PLCL1: variants seen among roughly 807,000 people sequenced by gnomAD.
The protein encoded by PLCL1 is phospholipase C like 1 (inactive).
A neutral mutation model predicts 84.4 loss-of-function variants in PLCL1; 41 were observed. That is an observed-to-expected ratio of 0.49 (90% confidence interval 0.38 to 0.63). The LOEUF is 0.63. PLCL1 is among the 30% of genes least tolerant of loss of function. The pLI is 0.00. For missense variants in PLCL1, 1,206 were observed against 1,367.8 expected (o/e 0.88, Z 1.87); for synonymous variants, 490 against 488.3 (o/e 1.00, Z -0.05).
intron 1 of PLCL1, among the ~76,000 whole-genome samples, chr2:198,030,707 G>GCAGAAAA (rs1184845443): frequency 3.3e-5 from 5 of 152,096 alleles, no homozygotes; most frequent in Non-Finnish European, 7.3e-5. Context: ...ATTCTGCTTT[G>GCAGAAAA]CTAATGAGAA....
intron 1 of PLCL1, among the ~76,000 whole-genome samples, chr2:198,019,804 A>G (rs1691090011): frequency 6.6e-6 from 1 of 152,210 alleles, no homozygotes; most frequent in Non-Finnish European, 1.5e-5. Flanking sequence ...ACCAAGTTGG[A>G]AAATACTCTT....
chr2:197,949,336 C>G (rs1689345296), intron 1 of PLCL1, among the ~76,000 whole-genome samples: 1 of 152,148 alleles, frequency 6.6e-6, no homozygotes, highest in Non-Finnish European at 1.5e-5. Context: ...GAATCTCTCC[C>G]TAGTCCAGGA....
chr2:198,139,091 G>T (rs1353537660), intron 5 of PLCL1, among the ~76,000 whole-genome samples: 1 of 152,084 alleles, frequency 6.6e-6, no homozygotes, highest in Non-Finnish European at 1.5e-5. Context: ...GGATGTGGAG[G>T]TTGCTGTGAG....
chr2:198,038,447 A>G (rs1378674040), intron 1 of PLCL1, among the ~76,000 whole-genome samples: 1 of 152,140 alleles, frequency 6.6e-6, no homozygotes, highest in African/African-American at 2.4e-5. Context: ...TACATAGTTC[A>G]TGGCTGGGAA....
chr2:197,991,215 T>A (rs1479759167), intron 1 of PLCL1, among the ~76,000 whole-genome samples: 1 of 152,170 alleles, frequency 6.6e-6, no homozygotes, highest in Admixed American at 6.5e-5. Flanking sequence ...TTGCTTGAGT[T>A]GGGACCTCTC....
Position 197,817,948 on chromosome 2 carries a change from C to T in PLCL1, c.240+12609C>T, listed in dbSNP as rs564271851. Reference sequence around the variant, plus strand: ...CTTTTAACCGATGGGCACCTGACACCTTAACACACTTAGCAGTGATCGTTG... The same window carrying T: ...CTTTTAACCGATGGGCACCTGACACTTTAACACACTTAGCAGTGATCGTTG... On this transcript the variant is annotated intron_variant, in intron 1 of 5. Coordinates refer to ENST00000428675, the MANE Select transcript of PLCL1 (RefSeq NM_006226.4). 1.1e-4 allele frequency among the ~76,000 whole-genome samples: 17 copies of T among 152,088 alleles called. No individual in the cohort carries two copies. In the South Asian group the frequency reaches 2.5e-3, roughly 22 times the overall value.
chr2:198,001,439 C>T (rs951684730), intron 1 of PLCL1, among the ~76,000 whole-genome samples: 5 of 152,094 alleles, frequency 3.3e-5, no homozygotes, highest in East Asian at 1.9e-4. Context: ...AAGAGAACCT[C>T]CTAGAAAGCC....
intron 1 of PLCL1, among the ~76,000 whole-genome samples, chr2:198,034,819 C>G (rs1004060923): frequency 1.3e-5 from 2 of 152,140 alleles, no homozygotes; most frequent in African/African-American, 4.8e-5. Flanking sequence ...TTTAAAGTCT[C>G]TTTTAACTTA....
chr2:197,957,014 A>T (rs1010971677), intron 1 of PLCL1, among the ~76,000 whole-genome samples: 1 of 151,366 alleles, frequency 6.6e-6, no homozygotes, highest in African/African-American at 2.4e-5. Flanking sequence ...TACTTTCTTT[A>T]CTTGGTTATT....
At chr2:197,943,936 A>G (rs1689218549) in intron 1 of PLCL1, among the ~76,000 whole-genome samples, 1 of 152,094 alleles carries the variant, frequency 6.6e-6, no homozygotes, top group African/African-American at 2.4e-5. Flanking sequence ...CCCAGCATGC[A>G]CTGTGCTCTC....
At chr2:197,973,924 AG>A (rs1360045583) in intron 1 of PLCL1, among the ~76,000 whole-genome samples, 2 of 152,182 alleles carry the variant, frequency 1.3e-5, no homozygotes, top group African/African-American at 4.8e-5. Context: ...AGGAGTAGAG[AG>A]AATAGGGAAT....
At chr2:197,962,873 A>C (rs754427492) in intron 1 of PLCL1, among the ~76,000 whole-genome samples, 3 of 152,008 alleles carry the variant, frequency 2.0e-5, no homozygotes, top group Non-Finnish European at 4.4e-5. Flanking sequence ...AATGCCCTCC[A>C]GTTCTGCCTA....
intron 1 of PLCL1, among the ~76,000 whole-genome samples, chr2:197,820,505 A>C (rs1196019913): frequency 1.3e-5 from 2 of 152,124 alleles, no homozygotes; most frequent in East Asian, 1.9e-4. Flanking sequence ...ATAGGGAATC[A>C]GTTGCAATCT....
chr2:197,852,717 T>A (rs892154067), intron 1 of PLCL1, among the ~76,000 whole-genome samples: 1 of 152,176 alleles, frequency 6.6e-6, no homozygotes, highest in Admixed American at 6.5e-5. Flanking sequence ...AGGTCCCTTC[T>A]TTAAACCTCT....
In PLCL1 at chr2:197,804,982, C is replaced by A; in HGVS notation, c.-118C>A. 1.6e-6 allele frequency: 2 copies of A among 1,232,422 alleles called. No individual in the cohort carries two copies. The highest frequency in any genetic ancestry group is 1.1e-6 in the Non-Finnish European group (1 of 927,296). The allele number at this position is 1,232,422 out of a possible 1,614,324, so 76.3% of individuals were successfully genotyped here. On this transcript the variant is annotated 5_prime_UTR_variant, in exon 1 of 6. Transcript: ENST00000428675. ...CGCCGCCGCCACTGCCGCCGCTGGG[C>A]GGTGAAACAAAGTCTGGCGGGGCCG...
At chr2:197,919,001 A>T (rs1422935706) in intron 1 of PLCL1, among the ~76,000 whole-genome samples, 1 of 152,020 alleles carries the variant, frequency 6.6e-6, no homozygotes, top group African/African-American at 2.4e-5. Flanking sequence ...ACAAAGTAAA[A>T]TAATGACTCA....
At chr2:197,883,267 C>T (rs1687861247) in intron 1 of PLCL1, among the ~76,000 whole-genome samples, 1 of 152,120 alleles carries the variant, frequency 6.6e-6, no homozygotes, top group Non-Finnish European at 1.5e-5. Flanking sequence ...AAAGTTTAAA[C>T]CTATTGTCAG....
At chr2:198,014,941 A>G (rs1473649692) in intron 1 of PLCL1, among the ~76,000 whole-genome samples, 2 of 152,112 alleles carry the variant, frequency 1.3e-5, no homozygotes, top group Non-Finnish European at 2.9e-5. Flanking sequence ...AGCCTCATGC[A>G]ATTTTGTATA....
At chr2:198,071,711 T>C (rs1301160180) in intron 1 of PLCL1, among the ~76,000 whole-genome samples, 1 of 151,892 alleles carries the variant, frequency 6.6e-6, no homozygotes, top group Non-Finnish European at 1.5e-5. Context: ...TTTTAAAAAA[T>C]ATCAATACAG....
Sources: gnomAD v4.1 joint callset for allele counts (sites outside exome capture counted in the v4.1 genomes callset) on GRCh38, gnomAD v4.1.1 for gene constraint, MANE v1.5 for transcripts, NCBI Gene and HGNC (gene_info 2026-07-23, HGNC 2026-07-21) for gene names.